Variants in MUSK observed in about 807,000 individuals in gnomAD.
The protein encoded by MUSK is muscle associated receptor tyrosine kinase.
In MUSK, 55 loss-of-function variants were observed where a neutral mutation model predicts 88.7. The ratio of observed to expected loss-of-function variants is 0.62; its 90% CI spans 0.50 to 0.78. The LOEUF is 0.78. MUSK is among the 30% of genes least tolerant of loss of function. The pLI is 0.00. For synonymous variants in MUSK, 387 were observed against 391.9 expected (o/e 0.99, Z 0.15); for missense variants, 1,015 against 1,074.3 (o/e 0.94, Z 0.77).
At chr9:110,684,626 C>A (rs1405736307) in intron 2 of MUSK, among the ~76,000 whole-genome samples, 1 of 151,632 alleles carries the variant, frequency 6.6e-6, no homozygotes, top group Non-Finnish European at 1.5e-5. Context: ...AATATTTTTC[C>A]ATTTTTTTGG....
chr9:110,763,772 G>A (rs1317014854), intron 8 of MUSK, among the ~76,000 whole-genome samples: 8 of 152,184 alleles, frequency 5.3e-5, no homozygotes, highest in African/African-American at 1.9e-4. Flanking sequence ...AACATGCCAT[G>A]GCTGGTCATC....
chr9:110,787,128 C>A (rs527706378), intron 13 of MUSK, among the ~76,000 whole-genome samples: 1 of 151,952 alleles, frequency 6.6e-6, no homozygotes, highest in Non-Finnish European at 1.5e-5. Context: ...TTTGGGAGGC[C>A]GAGGTGGTCA....
chr9:110,786,939 G>C (rs373931752), intron 13 of MUSK, among the ~76,000 whole-genome samples: 21 of 152,204 alleles, frequency 1.4e-4, no homozygotes, highest in East Asian at 1.4e-3. Flanking sequence ...CATGAATAGT[G>C]AAAATCTCAC....
At position 110,805,809 on chromosome 9, in the gene MUSK, C is replaced by T. The variant is rs2132081472; in HGVS notation, c.*4821C>T. On this transcript the variant is annotated 3_prime_UTR_variant, in exon 15 of 15. Coordinates refer to ENST00000374448, the MANE Select transcript of MUSK (RefSeq NM_005592.4). ...TCATATCAATCTTCTACTTAACTAC[C>T]AAATTAATTTACATATATTTGCATC... Among the ~76,000 whole-genome samples the T allele has an allele frequency of 6.8e-6, 1 of 146,932 alleles. No individual in the cohort carries two copies. The highest frequency in any genetic ancestry group is 1.5e-5 in the Non-Finnish European group (1 of 66,860).
chr9:110,749,515 G>T (rs2077221591), intron 7 of MUSK, among the ~76,000 whole-genome samples: 1 of 152,212 alleles, frequency 6.6e-6, no homozygotes. Flanking sequence ...CTCTAGCCAG[G>T]TTATGAAGAG....
At chr9:110,780,260 A>G (rs1183783555) in intron 11 of MUSK, among the ~76,000 whole-genome samples, 1 of 152,168 alleles carries the variant, frequency 6.6e-6, no homozygotes, top group Non-Finnish European at 1.5e-5. Context: ...TCAGACACCA[A>G]TTCTTTCTAC....
chr9:110,689,972 T>TATAA (rs1564218718), intron 3 of MUSK, among the ~76,000 whole-genome samples: 1 of 79,566 alleles, frequency 1.3e-5, no homozygotes, highest in African/African-American at 5.9e-5. Flanking sequence ...ATTTATATAT[T>TATAA]ATATTATAAA....
At chr9:110,710,281 T>G (rs1440956687) in intron 5 of MUSK, among the ~76,000 whole-genome samples, 2 of 152,196 alleles carry the variant, frequency 1.3e-5, no homozygotes, top group Non-Finnish European at 2.9e-5. Flanking sequence ...GTAGGATAAT[T>G]TACTTGACCT....
intron 1 of MUSK, among the ~76,000 whole-genome samples, chr9:110,672,825 CA>C (rs2075977136): frequency 6.6e-6 from 1 of 152,066 alleles, no homozygotes; most frequent in East Asian, 1.9e-4. Flanking sequence ...GTTGGTAAGT[CA>C]ATAGTCATAT....
chr9:110,743,551 A>C (rs1423707735), intron 6 of MUSK, among the ~76,000 whole-genome samples: 5 of 152,350 alleles, frequency 3.3e-5, no homozygotes, highest in Non-Finnish European at 7.4e-5. Context: ...TGCTTTGTCC[A>C]ATAAATATAA....
intron 13 of MUSK, among the ~76,000 whole-genome samples, chr9:110,787,388 G>A (rs1445953616): frequency 2.0e-5 from 3 of 147,052 alleles, no homozygotes; most frequent in African/African-American, 7.7e-5. Flanking sequence ...AAAAAGGTTA[G>A]GATGGCAATG....
At chr9:110,730,847 G>A (rs138589001) in intron 5 of MUSK, among the ~76,000 whole-genome samples, 2 of 152,108 alleles carry the variant, frequency 1.3e-5, no homozygotes, top group East Asian at 3.9e-4. Context: ...TCTATTCCAT[G>A]TGAGGATTAG....
chr9:110,673,769 G>A (rs1383158708), intron 1 of MUSK, among the ~76,000 whole-genome samples: 2 of 152,118 alleles, frequency 1.3e-5, no homozygotes, highest in African/African-American at 2.4e-5. Context: ...AGTGCATAAA[G>A]TTTCTCTCTT....
chr9:110,673,698 T>C (rs1587874103), intron 1 of MUSK, among the ~76,000 whole-genome samples: 1 of 152,290 alleles, frequency 6.6e-6, no homozygotes, highest in East Asian at 1.9e-4. Context: ...AAAGATAACA[T>C]TAATAGTAAG....
intron 1 of MUSK, among the ~76,000 whole-genome samples, chr9:110,680,169 A>C (rs1200729160): frequency 6.6e-6 from 1 of 152,120 alleles, no homozygotes; most frequent in East Asian, 1.9e-4. Context: ...GTGTAATTCT[A>C]AGCTAACAGT....
chr9:110,678,409 G>A (rs938001781), intron 1 of MUSK, among the ~76,000 whole-genome samples: 3 of 152,130 alleles, frequency 2.0e-5, no homozygotes, highest in African/African-American at 7.2e-5. Flanking sequence ...CTCCCAAAGT[G>A]TTGAGATTAC....
intron 5 of MUSK, among the ~76,000 whole-genome samples, chr9:110,710,264 A>G (rs922328058): frequency 6.6e-6 from 1 of 152,268 alleles, no homozygotes. Context: ...CTTACCAGTT[A>G]TGTGAGGTAG....
At chr9:110,747,471 C>T (rs905218384) in intron 6 of MUSK, among the ~76,000 whole-genome samples, 170 bp from the exon 7 acceptor site, 1 of 152,208 alleles carries the variant, frequency 6.6e-6, no homozygotes, top group Non-Finnish European at 1.5e-5. Flanking sequence ...GGAAGAGCTA[C>T]AAAGTCACAT....
intron 3 of MUSK, among the ~76,000 whole-genome samples, chr9:110,691,631 T>G (rs537580230): frequency 1.3e-5 from 2 of 152,268 alleles, no homozygotes; most frequent in East Asian, 1.9e-4. Context: ...ACTGTCAATC[T>G]TACAATGATG....
Sources: allele counts gnomAD v4.1 joint callset (sites outside exome capture counted in the v4.1 genomes callset), GRCh38; gene constraint gnomAD v4.1.1; transcripts MANE v1.5; gene names NCBI Gene and HGNC (gene_info 2026-07-23, HGNC 2026-07-21).